Variants in PAK5 observed in about 807,000 individuals in gnomAD.
PAK5 encodes p21 (RAC1) activated kinase 5.
PAK5 carries 16 observed loss-of-function variants against 65.9 expected under a neutral mutation model. The ratio of observed to expected loss-of-function variants is 0.24; its 90% CI spans 0.16 to 0.37. PAK5 has a LOEUF of 0.37. Among genes scored for constraint, PAK5 ranks in the 10% least tolerant of loss-of-function variants. The pLI, the probability that PAK5 is intolerant of heterozygous loss-of-function variation, is 1.00. For missense variants in PAK5, 785 were observed against 903.9 expected (o/e 0.87, Z 1.69); for synonymous variants, 371 against 354.9 (o/e 1.05, Z -0.51).
chr20:9,698,281 A>G (rs2047895332), intron 2 of PAK5, among the ~76,000 whole-genome samples: 1 of 152,012 alleles, frequency 6.6e-6, no homozygotes, highest in Non-Finnish European at 1.5e-5. Flanking sequence ...TAAGTAGTTC[A>G]GGGTGGTAGA....
intron 1 of PAK5, among the ~76,000 whole-genome samples, chr20:9,818,427 C>T (rs996122542): frequency 2.0e-5 from 3 of 152,174 alleles, no homozygotes; most frequent in Non-Finnish European, 4.4e-5. Context: ...GTCCCTCTAC[C>T]TATCATGATG....
chr20:9,805,523 T>G (rs935567316), intron 1 of PAK5, among the ~76,000 whole-genome samples: 1 of 152,170 alleles, frequency 6.6e-6, no homozygotes, highest in African/African-American at 2.4e-5. Flanking sequence ...ATTCACACAA[T>G]GGAATATTGT....
intron 3 of PAK5, among the ~76,000 whole-genome samples, chr20:9,598,196 G>A (rs2046304229): frequency 6.6e-6 from 1 of 152,180 alleles, no homozygotes; most frequent in African/African-American, 2.4e-5. Flanking sequence ...ACTTATGAGT[G>A]AGAACATGCG....
intron 1 of PAK5, among the ~76,000 whole-genome samples, chr20:9,735,444 G>T (rs898138640): frequency 1.3e-5 from 2 of 152,142 alleles, no homozygotes; most frequent in Non-Finnish European, 2.9e-5. Flanking sequence ...ACGTTTAGAG[G>T]TTACCATGGC....
chr20:9,748,555 C>A (rs1227602826), intron 1 of PAK5, among the ~76,000 whole-genome samples: 1 of 151,858 alleles, frequency 6.6e-6, no homozygotes, highest in South Asian at 2.1e-4. Flanking sequence ...CTATCTGATC[C>A]AAATCTCTAA....
chr20:9,818,286 C>T (rs991001848), intron 1 of PAK5, among the ~76,000 whole-genome samples: 2 of 152,064 alleles, frequency 1.3e-5, no homozygotes, highest in Admixed American at 6.6e-5. Flanking sequence ...TCCTCCTTAC[C>T]CAGATGTTTC....
intron 3 of PAK5, among the ~76,000 whole-genome samples, chr20:9,612,714 A>G (rs11906853): frequency 0.016 from 2,362 of 152,188 alleles, 72 homozygotes; most frequent in African/African-American, 0.054. Context: ...TGAGCAGGTT[A>G]CAAAGATCCA....
intron 1 of PAK5, among the ~76,000 whole-genome samples, chr20:9,809,660 T>A (rs2123752070): frequency 6.6e-6 from 1 of 152,320 alleles, no homozygotes; most frequent in South Asian, 2.1e-4. Flanking sequence ...CAAACATTTC[T>A]TAAACTATTC....
intron 1 of PAK5, among the ~76,000 whole-genome samples, chr20:9,775,161 C>T (rs1330298620): frequency 6.6e-6 from 1 of 152,034 alleles, no homozygotes; most frequent in Non-Finnish European, 1.5e-5. Context: ...TAGAAATGTT[C>T]TATCTTGGTT....
chr20:9,607,080 A>G (rs2046468479), intron 3 of PAK5, among the ~76,000 whole-genome samples: 1 of 152,214 alleles, frequency 6.6e-6, no homozygotes, highest in African/African-American at 2.4e-5. Context: ...TCCTCCTCCC[A>G]TACCTTCTAA....
chr20:9,686,855 A>G (rs879513655), intron 2 of PAK5, among the ~76,000 whole-genome samples: 1 of 152,174 alleles, frequency 6.6e-6, no homozygotes, highest in Admixed American at 6.5e-5. Flanking sequence ...TAAGGAGTTT[A>G]TTTGGGAAGT....
At chr20:9,765,125 G>A (rs536140362) in intron 1 of PAK5, among the ~76,000 whole-genome samples, 21 of 152,254 alleles carry the variant, frequency 1.4e-4, no homozygotes, top group East Asian at 3.9e-4. Context: ...GATGCTGTCC[G>A]GGTTGCTAAA....
At chr20:9,715,315 T>C (rs941122514) in intron 1 of PAK5, among the ~76,000 whole-genome samples, 2 of 152,144 alleles carry the variant, frequency 1.3e-5, no homozygotes, top group Non-Finnish European at 2.9e-5. Context: ...TCACTGGCCA[T>C]CAGAGAAATG....
At chr20:9,653,987 G>A (rs1217632253) in intron 2 of PAK5, among the ~76,000 whole-genome samples, 6 of 140,498 alleles carry the variant, frequency 4.3e-5, no homozygotes, top group Admixed American at 1.5e-4. Context: ...ACAGGGTCAC[G>A]TGCTGCCCCC....
chr20:9,641,543 C>G (rs1357627031), intron 3 of PAK5, among the ~76,000 whole-genome samples: 1 of 151,502 alleles, frequency 6.6e-6, no homozygotes, highest in South Asian at 2.1e-4. Flanking sequence ...GGATCCCGCA[C>G]CGGGGCTGCA....
intron 2 of PAK5, among the ~76,000 whole-genome samples, chr20:9,659,596 G>A (rs952205519): frequency 1.3e-5 from 2 of 152,052 alleles, no homozygotes; most frequent in African/African-American, 4.8e-5. Context: ...TAGAGTATTG[G>A]GTATAAGAAA....
chr20:9,604,552 T>C (rs1022743779), intron 3 of PAK5, among the ~76,000 whole-genome samples: 1 of 152,252 alleles, frequency 6.6e-6, no homozygotes, highest in South Asian at 2.1e-4. Context: ...ATAGTTTAAG[T>C]GGAGGAATCA....
intron 6 of PAK5, among the ~76,000 whole-genome samples, chr20:9,559,716 T>C (rs2045564148): frequency 6.6e-6 from 1 of 151,938 alleles, no homozygotes; most frequent in African/African-American, 2.4e-5. Flanking sequence ...TGAGCGGAGA[T>C]AGCGCCTCTG....
At chr20:9,670,104 T>C (rs1239565607) in intron 2 of PAK5, among the ~76,000 whole-genome samples, 1 of 152,176 alleles carries the variant, frequency 6.6e-6, no homozygotes, top group Admixed American at 6.5e-5. Flanking sequence ...CATGAACTCA[T>C]CCTTTTTTAT....
Sources: gnomAD v4.1 joint callset for allele counts (sites outside exome capture counted in the v4.1 genomes callset) on GRCh38, gnomAD v4.1.1 for gene constraint, MANE v1.5 for transcripts, NCBI Gene and HGNC (gene_info 2026-07-23, HGNC 2026-07-21) for gene names.